CERCAM: variants seen among roughly 807,000 people sequenced by gnomAD.
CERCAM encodes the protein cerebral endothelial cell adhesion molecule.
In CERCAM, 59 loss-of-function variants were observed where a neutral mutation model predicts 66.0. The ratio of observed to expected loss-of-function variants is 0.89; its 90% CI spans 0.73 to 1.11. CERCAM has a LOEUF of 1.11. CERCAM is among the 50% of genes most tolerant of loss of function. The pLI is 0.00. For synonymous variants in CERCAM, 318 were observed against 343.6 expected, an observed-to-expected ratio of 0.93 and a Z score of 0.83; for missense variants, 840 against 828.3, an observed-to-expected ratio of 1.01 and a Z score of -0.17.
intron 5 of CERCAM, among the ~76,000 whole-genome samples, chr9:128,425,916 C>G (rs1383970530): frequency 6.6e-6 from 1 of 151,014 alleles, no homozygotes; most frequent in South Asian, 2.1e-4. Context: ...TGACCTCCCC[C>G]ACCTCAGCCT....
At chr9:128,425,714 T>C (rs1274091275) in intron 5 of CERCAM, among the ~76,000 whole-genome samples, 3 of 151,768 alleles carry the variant, frequency 2.0e-5, no homozygotes, top group Admixed American at 6.6e-5. Flanking sequence ...TTTCTCCGTG[T>C]TGGTCAGCCT....
At chr9:128,430,396 T>G (rs991543825) in intron 8 of CERCAM, among the ~76,000 whole-genome samples, 4 of 151,624 alleles carry the variant, frequency 2.6e-5, no homozygotes, top group Admixed American at 1.3e-4. Context: ...ACAGTGAGAC[T>G]CTGTCTCAAA....
intron 5 of CERCAM, 74 bp downstream of exon 5, chr9:128,424,688 A>G (rs912969670): frequency 3.7e-6 from 5 of 1,361,936 alleles, no homozygotes; most frequent in East Asian, 4.6e-5. Context: ...GCTGCTTACC[A>G]TGCCCTTCCC....
chr9:128,430,099 C>T (rs1833940550), intron 8 of CERCAM, among the ~76,000 whole-genome samples: 1 of 152,012 alleles, frequency 6.6e-6, no homozygotes, highest in Non-Finnish European at 1.5e-5. Flanking sequence ...ACCATGTCCA[C>T]CTAATGAAAA....
chr9:128,424,765 C>CA, intron 5 of CERCAM, 151 bp downstream of exon 5: 3 of 575,342 alleles, frequency 5.2e-6, no homozygotes, highest in Non-Finnish European at 8.9e-6. Flanking sequence ...TTTTCTCTCT[C>CA]TTTTTTTTTT....
chr9:128,428,641 G>A (rs1435921882), intron 6 of CERCAM, 116 bp from the exon 7 acceptor site: 23 of 1,236,450 alleles, frequency 1.9e-5, no homozygotes, highest in Admixed American at 1.0e-4. Flanking sequence ...CTGAGGTCCC[G>A]TCCTGTGGGG....
In CERCAM at chr9:128,431,175, C is replaced by T. The variant is rs776344054; in HGVS notation, c.1075C>T (p.Leu359Phe). Residue 359 changes from leucine (L) to phenylalanine (F), a missense_variant, in exon 9 of 13, where the codon CTC becomes TTC. Transcript: ENST00000372838. ...RVVDAVDGWM[L>F]NSSAIRNLGV... ...CGCCACACCTGTGTCCCTCAGGATGCTCAACAGCAGTGCCATCAGGAACCT... is the reference window on the plus strand; with the variant it reads ...CGCCACACCTGTGTCCCTCAGGATGTTCAACAGCAGTGCCATCAGGAACCT... 87 of 1,613,664 alleles carry T rather than the reference C, an allele frequency of 5.4e-5. No homozygotes were observed. Among genetic ancestry groups the T allele is most frequent in the Non-Finnish European group, 7.4e-5 (87 of 1,180,018 alleles).
rs1376552477 is a variant in CERCAM, at chr9:128,424,581, A to C, written c.733A>C (p.Ile245Leu). Residue 245 changes from isoleucine to leucine, a missense_variant, in exon 5 of 13, where the codon ATC becomes CTC. By Grantham distance (5) the Ile-to-Leu change is conservative (BLOSUM62 2). Transcript: ENST00000372838. ...CAACTACACTTGGCCTTTCGACGAC[A>C]TCATCGTCTTCGCCTATGCCTGCCA... ...HPNYTWPFDD[I>L]IVFAYACQAA... 1 of 1,614,022 alleles carries C rather than the reference A, an allele frequency of 6.2e-7. No individual in the cohort carries two copies. Among genetic ancestry groups the C allele is most frequent in the African/African-American group, 1.3e-5 (1 of 74,914 alleles).
chr9:128,423,665 C>T (rs1291867530), intron 3 of CERCAM, among the ~76,000 whole-genome samples: 2 of 151,924 alleles, frequency 1.3e-5, no homozygotes, highest in South Asian at 2.1e-4. Context: ...CTGACCCACC[C>T]GAAGGCTGGA....
chr9:128,428,459 G>A (rs781638376), intron 6 of CERCAM, 38 bp downstream of exon 6: 3 of 1,610,280 alleles, frequency 1.9e-6, no homozygotes, highest in African/African-American at 1.3e-5. Context: ...CCTGCTGCCG[G>A]GGCTCCCTGC....
At position 128,434,667 on chromosome 9, in the gene CERCAM, A is replaced by ACTCAC; in HGVS notation, c.1535+59_1535+63dup. ...CAGGGCAGAGGCGTCCCCTCCAGGA[A>ACTCAC]CTCACCTCAGTCAGCAGGAAGTCCC... On this transcript the variant is annotated intron_variant, in intron 11 of 12. Coordinates refer to ENST00000372838, the MANE Select transcript of CERCAM (RefSeq NM_016174.5). The surrounding 1 kb of genome is among the most constrained non-coding windows in gnomAD (Gnocchi z 4.5). 2 of 1,538,524 alleles carry ACTCAC rather than the reference A, an allele frequency of 1.3e-6. No homozygotes were observed. The highest frequency in any genetic ancestry group is 1.8e-6 in the Non-Finnish European group (2 of 1,133,998).
intron 12 of CERCAM, among the ~76,000 whole-genome samples, 190 bp downstream of exon 12, chr9:128,436,095 G>A (rs542367051): frequency 3.3e-5 from 5 of 152,106 alleles, no homozygotes; most frequent in South Asian, 2.1e-4. Context: ...TCGCTCTGTC[G>A]CCCAGGCTGG....
At chr9:128,436,742 C>G (rs80213889) in intron 12 of CERCAM, 107 bp from the exon 13 acceptor site, 2,994 of 152,550 alleles carry the variant, frequency 0.02, 97 homozygotes, top group African/African-American at 0.069. Flanking sequence ...CTTTTTCCCT[C>G]TCTGTCTGTC....
rs74310387 is a variant in CERCAM at position 128,427,012 on chromosome 9, A to G, written c.767-1290A>G. Among the ~76,000 whole-genome samples the G allele has an allele frequency of 3.3e-5, 5 of 152,324 alleles. No homozygotes were observed. The East Asian group carries it at 7.7e-4, about 24-fold the overall frequency. ...AGCGACAGCCGTTGTTAATTGGTCA[A>G]TGGTTTGAAGGAATTCAGTCTCTAA... is the stretch of plus-strand genomic sequence containing the variant. On this transcript the variant is annotated intron_variant, in intron 5 of 12. Coordinates refer to ENST00000372838, the MANE Select transcript of CERCAM (RefSeq NM_016174.5).
At position 128,434,588 on chromosome 9, in the gene CERCAM, C is replaced by T. The variant is rs1270318608; in HGVS notation, c.1510C>T (p.Pro504Ser). The T allele has an allele frequency of 1.2e-6, 2 of 1,609,676 alleles. No homozygotes were observed. The highest frequency in any genetic ancestry group is 1.7e-6 in the Non-Finnish European group (2 of 1,179,850). The part of the protein sequence containing the change: ...RRMLPVDEFL[P>S]IMFDQHPNEQ... ...CATGCTGCCCGTGGACGAGTTCCTG[C>T]CCATCATGTTCGACCAGCACCCCAA... Residue 504 changes from proline to serine, a missense_variant, in exon 11 of 13, where the codon CCC becomes TCC. Pro to Ser is a moderately conservative substitution (Grantham distance 74). Coordinates refer to ENST00000372838, the MANE Select transcript of CERCAM (RefSeq NM_016174.5). The surrounding 1 kb of genome is among the most constrained non-coding windows in gnomAD (Gnocchi z 4.5).
intron 8 of CERCAM, 83 bp downstream of exon 8, chr9:128,429,119 C>A: frequency 2.9e-6 from 3 of 1,021,492 alleles, no homozygotes; most frequent in Non-Finnish European, 4.2e-6. Flanking sequence ...CTGGGAAAAG[C>A]AGACAGGTTG....
intron 5 of CERCAM, among the ~76,000 whole-genome samples, chr9:128,426,896 C>T (rs1833859135): frequency 6.6e-6 from 1 of 152,062 alleles, no homozygotes; most frequent in Admixed American, 6.6e-5. Context: ...TTACCAAGTG[C>T]AAAAAGTGAG....
rs778783636 is a variant in CERCAM, at chr9:128,435,816, G to C, written c.1699G>C (p.Gly567Arg). 1 of 1,611,692 alleles carries C rather than the reference G, an allele frequency of 6.2e-7. No individual in the cohort carries two copies. Among genetic ancestry groups the C allele is most frequent in the Non-Finnish European group, 8.5e-7 (1 of 1,179,390 alleles). Residue 567 changes from glycine to arginine, a missense_variant, in exon 12 of 13, where the codon GGC (glycine) becomes CGC (arginine). Gly to Arg is a moderately radical substitution (Grantham distance 125). Coordinates refer to ENST00000372838, the MANE Select transcript of CERCAM (RefSeq NM_016174.5). ...CAGCGGCCGCCTCATCAGCTGGAGC[G>C]GCTCCCAAAAGACCCTGCGCAGCCC... is the stretch of plus-strand genomic sequence containing the variant. ...DDSGRLISWS[G>R]SQKTLRSPRL...
At position 128,421,539 on chromosome 9, in the gene CERCAM, C is replaced by T. The variant is rs140660186; in HGVS notation, c.197+465C>T. 2,251 of 986,562 alleles carry T rather than the reference C, an allele frequency of 2.3e-3. 33 individuals are homozygous for T. In the African/African-American group the frequency reaches 0.035, roughly 15 times the overall value. The allele number at this position is 986,562 out of a possible 1,614,324, so 61.1% of individuals were successfully genotyped here. ...TGGGGGTGCCATCAGCACTGGGCTCCGGGCTGTGCAGGGGAGTCAGACCGG... is the reference window on the plus strand; with the variant it reads ...TGGGGGTGCCATCAGCACTGGGCTCTGGGCTGTGCAGGGGAGTCAGACCGG... On this transcript the variant is annotated intron_variant, in intron 1 of 12. Coordinates refer to ENST00000372838, the MANE Select transcript of CERCAM (RefSeq NM_016174.5).
Sources: gnomAD v4.1 joint callset for allele counts (sites outside exome capture counted in the v4.1 genomes callset) on GRCh38, gnomAD v4.1.1 for gene constraint, Gnocchi (gnomAD v3.1) non-coding constraint, MANE v1.5 for transcripts, NCBI Gene and HGNC (gene_info 2026-07-23, HGNC 2026-07-21) for gene names.